GOLGA2: variants seen among roughly 807,000 people sequenced by gnomAD.
The protein encoded by GOLGA2 is golgin subfamily A member 2.
A neutral mutation model predicts 148.8 loss-of-function variants in GOLGA2; 49 were observed. The observed-to-expected ratio is 0.33, with a 90% CI of 0.26 to 0.42. The LOEUF (loss-of-function observed/expected upper bound fraction) is 0.42, where lower values mean the gene tolerates loss of function less well. Ranked by LOEUF, GOLGA2 falls within the 10% of genes least tolerant of loss-of-function variation. The pLI, the probability that GOLGA2 is intolerant of heterozygous loss-of-function variation, is 1.00. For synonymous variants in GOLGA2, 501 were observed against 511.8 expected, an observed-to-expected ratio of 0.98 and a Z score of 0.28; for missense variants, 1,178 against 1,304.6, an observed-to-expected ratio of 0.90 and a Z score of 1.49.
intron 2 of GOLGA2, 34 bp downstream of exon 2, chr9:128,273,816 C>T (rs758170789): frequency 6.2e-7 from 1 of 1,611,070 alleles, no homozygotes; most frequent in Admixed American, 1.7e-5. Flanking sequence ...CCTTGGGCCC[C>T]CTGTCCCCAG....
At chr9:128,275,643 T>C in intron 1 of GOLGA2, 1 of 667,196 alleles carries the variant, frequency 1.5e-6, no homozygotes, top group Non-Finnish European at 2.4e-6. Context: ...GGGCAGGAGG[T>C]GAGGGCCGAG....
At position 128,259,310 on chromosome 9, in the gene GOLGA2, C is replaced by T. The variant is rs758803761; in HGVS notation, c.1954G>A (p.Ala652Thr). ...TTCTCAGAGGTCAGCTGCTGATAGG[C>T]GGCCACATACTGCTGCAGGTGTCCC... is the stretch of plus-strand genomic sequence containing the variant. Reference protein sequence around the residue: ...YLGHLQQYVAAYQQLTSEKEV... With the variant: ...YLGHLQQYVATYQQLTSEKEV... Residue 652 changes from alanine (A) to threonine (T), a missense_variant, in exon 20 of 27, where the codon GCC becomes ACC. Ala to Thr is a moderately conservative substitution (Grantham distance 58, BLOSUM62 0). Around this residue, in one of 5 missense-constraint regions of GOLGA2, gnomAD observed 529 missense variants for 521.8 expected, o/e 1.01. Transcript: ENST00000611957. The T allele has an allele frequency of 1.2e-5, 19 of 1,610,786 alleles. No individual in the cohort carries two copies. Among genetic ancestry groups the T allele is most frequent in the African/African-American group, 8.0e-5 (6 of 74,850 alleles).
chr9:128,261,595 G>T lies in GOLGA2; in HGVS notation c.1225-34C>A. The T allele has an allele frequency of 6.6e-7, 1 of 1,506,836 alleles. No homozygotes were observed. 93.3% of individuals were successfully genotyped at this position (1,506,836 alleles called of 1,614,324 possible). A position where few individuals can be genotyped will look rare whatever the true frequency, so the allele number is the denominator to read the frequency against. On this transcript the variant is annotated intron_variant, in intron 15 of 26. Transcript: ENST00000611957. This position sits in a 1 kb window ranked among gnomAD's most constrained non-coding sequence, Gnocchi z 5.7. ...ATGGCCACAGAAATGAGGAAGGACTGTCACTGGTTGTCACCTACTCCTGGC... is the reference window on the plus strand; with the variant it reads ...ATGGCCACAGAAATGAGGAAGGACTTTCACTGGTTGTCACCTACTCCTGGC...
At chr9:128,270,898 A>G (rs1830902461) in intron 3 of GOLGA2, among the ~76,000 whole-genome samples, 3 of 152,048 alleles carry the variant, frequency 2.0e-5, no homozygotes, top group East Asian at 3.9e-4. Flanking sequence ...ATACAAAAAA[A>G]ATGGCCGGGC....
At chr9:128,264,573 C>T (rs1237417010) in intron 12 of GOLGA2, among the ~76,000 whole-genome samples, 1 of 152,030 alleles carries the variant, frequency 6.6e-6, no homozygotes, top group Non-Finnish European at 1.5e-5. Context: ...ATTACAGGGG[C>T]ACGCCACCAC....
Position 128,257,492 on chromosome 9 carries a change from G to T in GOLGA2, c.2752C>A (p.Arg918=), listed in dbSNP as rs147923606. The T allele has an allele frequency of 3.7e-5, 59 of 1,613,738 alleles. No individual in the cohort carries two copies. In the African/African-American group the frequency reaches 7.6e-4, roughly 21 times the overall value. ...KLLELQELVL[R]LVGDRNEWHG... is the part of the protein sequence containing the mutation. ...CACTCGTTGCGGTCGCCCACAAGCC[G>T]TAAGACCAGCTCCTGCAGCTCCAGC... The change falls in exon 26 of 27, where the codon CGG becomes AGG. Residue 918 remains arginine, a synonymous_variant. Coordinates refer to ENST00000611957, the MANE Select transcript of GOLGA2 (RefSeq NM_001366244.2). This position sits in a 1 kb window ranked among gnomAD's most constrained non-coding sequence, Gnocchi z 8.0.
chr9:128,257,783 C>T lies in GOLGA2; in HGVS notation c.2611+7G>A. 6.2e-7 allele frequency: 1 copy of T among 1,613,076 alleles called. No homozygotes were observed. Among genetic ancestry groups the T allele is most frequent in the Non-Finnish European group, 8.5e-7 (1 of 1,178,996 alleles). On this transcript the variant is annotated splice_region_variant and intron_variant, in intron 24 of 26. Transcript: ENST00000611957. The surrounding 1 kb of genome is among the most constrained non-coding windows in gnomAD (Gnocchi z 8.0). ...CTCCTCCTGCCGTGCCCTGGCCTCC[C>T]ACTCACCAATGGTGTCTGTCTCTCC...
At position 128,258,495 on chromosome 9, in the gene GOLGA2, A is replaced by T. The variant is rs1331226254; in HGVS notation, c.2249T>A (p.Met750Lys). Reference protein sequence around the residue: ...EEEAVAVPQPMPSIPEDLESR... With the variant: ...EEEAVAVPQPKPSIPEDLESR... ...CTCCAGGTCCTCCGGGATGCTTGGC[A>T]TGGGCTGAGGTACTGCCACCGCCTC... is the stretch of plus-strand genomic sequence containing the variant. The change falls in exon 22 of 27, where the codon ATG becomes AAG. Residue 750 changes from methionine (M) to lysine (K), a missense_variant. This residue lies in a region of GOLGA2 where 529 missense variants were observed against 521.8 expected (regional missense o/e 1.01). Transcript: ENST00000611957. This position sits in a 1 kb window ranked among gnomAD's most constrained non-coding sequence, Gnocchi z 6.6. 6.2e-7 allele frequency: 1 copy of T among 1,610,926 alleles called. No individual in the cohort carries two copies. The highest frequency in any genetic ancestry group is 8.5e-7 in the Non-Finnish European group (1 of 1,179,166).
At chr9:128,274,260 C>A (rs904956112) in intron 1 of GOLGA2, among the ~76,000 whole-genome samples, 1 of 152,200 alleles carries the variant, frequency 6.6e-6, no homozygotes, top group Non-Finnish European at 1.5e-5. Flanking sequence ...TTTTCCACCT[C>A]TCATCCCAGA....
chr9:128,260,426 C>G lies in GOLGA2; in HGVS notation c.1758+39G>C. ...GGTGGGAAAACAAAGGTCTGGAGGG[C>G]TAGGGAGGAGGGCGGGCTCTCCAGG... is the stretch of plus-strand genomic sequence containing the variant. On this transcript the variant is annotated intron_variant, in intron 18 of 26. Transcript: ENST00000611957. This position sits in a 1 kb window ranked among gnomAD's most constrained non-coding sequence, Gnocchi z 4.8. The G allele has an allele frequency of 6.5e-7, 1 of 1,526,838 alleles. No homozygotes were observed. The highest frequency in any genetic ancestry group is 9.0e-7 in the Non-Finnish European group (1 of 1,109,762). 94.6% of individuals were successfully genotyped at this position (1,526,838 alleles called of 1,614,324 possible). A position where few individuals can be genotyped will look rare whatever the true frequency, so the allele number is the denominator to read the frequency against.
rs1010198163 is a variant in GOLGA2, at chr9:128,275,534, AC to A, written c.84+358del. On this transcript the variant is annotated intron_variant, in intron 1 of 26. Transcript: ENST00000611957. ...TCTGGAGCGGGGGGCCCCGGGAGTCACGGGCCCAAAGTCACTGGCGAGGGCA... is the reference window on the plus strand; with the variant it reads ...TCTGGAGCGGGGGGCCCCGGGAGTCAGGGCCCAAAGTCACTGGCGAGGGCA... 16 of 1,270,174 alleles carry A rather than the reference AC, an allele frequency of 1.3e-5. No homozygotes were observed. The African/African-American group carries it at 2.4e-4, about 19-fold the overall frequency. 78.7% of individuals were successfully genotyped at this position (1,270,174 alleles called of 1,614,324 possible). A position where few individuals can be genotyped will look rare whatever the true frequency, so the allele number is the denominator to read the frequency against.
intron 12 of GOLGA2, among the ~76,000 whole-genome samples, chr9:128,264,229 A>G (rs561119448): frequency 5.6e-4 from 84 of 150,074 alleles, no homozygotes; most frequent in African/African-American, 2.0e-3. Flanking sequence ...GTATGTACGT[A>G]TGTATGTATA....
rs1282980649 is a variant in GOLGA2, at chr9:128,256,412, G to A, written c.*655C>T. 1 of 152,358 alleles carries A rather than the reference G, an allele frequency of 6.6e-6. No individual in the cohort carries two copies. The highest frequency in any genetic ancestry group is 2.4e-5 in the African/African-American group (1 of 41,340). 9.4% of individuals were successfully genotyped at this position (152,358 alleles called of 1,614,324 possible). A position where few individuals can be genotyped will look rare whatever the true frequency, so the allele number is the denominator to read the frequency against. ...TGGGAAGGGGTGGCAGGCACATGAT[G>A]GGGGCGGAGCCTCCGGCCCCACTTC... On this transcript the variant is annotated 3_prime_UTR_variant, in exon 27 of 27. Transcript: ENST00000611957.
rs1355620097 is a variant in GOLGA2, at chr9:128,271,503, C to T, written c.288+1282G>A. Among the ~76,000 whole-genome samples the T allele has an allele frequency of 1.3e-5, 2 of 152,172 alleles. No homozygotes were observed. On this transcript the variant is annotated intron_variant, in intron 3 of 26. Coordinates refer to ENST00000611957, the MANE Select transcript of GOLGA2 (RefSeq NM_001366244.2). This position sits in a 1 kb window ranked among gnomAD's most constrained non-coding sequence, Gnocchi z 4.4. ...ATCACAGCCAGAGGAGGTTGTCTCC[C>T]AGCCCTGTGTACCTCCATGCCCTGC...
At position 128,266,458 on chromosome 9, in the gene GOLGA2, T is replaced by G. The variant is rs772929178; in HGVS notation, c.643-133A>C. On this transcript the variant is annotated intron_variant, in intron 8 of 26. Transcript: ENST00000611957. The surrounding 1 kb of genome is among the most constrained non-coding windows in gnomAD (Gnocchi z 4.2). ...TCTCAGACCCAATGGGAACACGAAC[T>G]GGTAAACTCTCCTCAGGCTCTCAAG... 8.2e-6 allele frequency: 6 copies of G among 728,956 alleles called. No individual in the cohort carries two copies. Among genetic ancestry groups the G allele is most frequent in the Non-Finnish European group, 1.4e-5 (6 of 419,780 alleles). 45.2% of individuals were successfully genotyped at this position (728,956 alleles called of 1,614,324 possible). A position where few individuals can be genotyped will look rare whatever the true frequency, so the allele number is the denominator to read the frequency against.
In GOLGA2 at chr9:128,260,069, G is replaced by A; in HGVS notation, c.1872+7C>T. 1 of 1,592,656 alleles carries A rather than the reference G, an allele frequency of 6.3e-7. No homozygotes were observed. The highest frequency in any genetic ancestry group is 1.3e-5 in the African/African-American group (1 of 74,736). ...CTCCCAGCCCTTCTTGGATGGGGCG[G>A]GGTTACCGTTTCCTTCAGCTCGCTC... On this transcript the variant is annotated splice_region_variant and intron_variant, in intron 19 of 26. Coordinates refer to ENST00000611957, the MANE Select transcript of GOLGA2 (RefSeq NM_001366244.2). The surrounding 1 kb of genome is among the most constrained non-coding windows in gnomAD (Gnocchi z 4.8).
chr9:128,258,314 A>G lies in GOLGA2; in HGVS notation c.2290-116T>C. 8.9e-7 allele frequency: 1 copy of G among 1,128,258 alleles called. No homozygotes were observed. The highest frequency in any genetic ancestry group is 2.0e-5 in the Admixed American group (1 of 50,228). 69.9% of individuals were successfully genotyped at this position (1,128,258 alleles called of 1,614,324 possible). A position where few individuals can be genotyped will look rare whatever the true frequency, so the allele number is the denominator to read the frequency against. On this transcript the variant is annotated intron_variant, in intron 22 of 26. Transcript: ENST00000611957. The surrounding 1 kb of genome is among the most constrained non-coding windows in gnomAD (Gnocchi z 6.6). ...AGGGTGCACTTGTTGGTCCCAAGTG[A>G]AATGGTGTCTCACCACTGGCTCCCA...
intron 13 of GOLGA2, 66 bp downstream of exon 13, chr9:128,262,968 C>G (rs1417456123): frequency 9.2e-7 from 1 of 1,089,390 alleles, no homozygotes; most frequent in Non-Finnish European, 1.4e-6. Flanking sequence ...CTGTACCCCC[C>G]ACCTCCCAGC....
Position 128,261,261 on chromosome 9 carries a change from T to G in GOLGA2, c.1333-2A>C. On this transcript the variant is annotated splice_acceptor_variant, in intron 16 of 26. Coordinates refer to ENST00000611957, the MANE Select transcript of GOLGA2 (RefSeq NM_001366244.2). LOFTEE classifies it high-confidence loss of function. This position sits in a 1 kb window ranked among gnomAD's most constrained non-coding sequence, Gnocchi z 5.7. ...CTTCTCCTCTCTCAATGTGTGCACC[T>G]GCCCAAAGCACAGCAAGAAAGGGCC... 2 of 1,610,216 alleles carry G rather than the reference T, an allele frequency of 1.2e-6. No homozygotes were observed. Among genetic ancestry groups the G allele is most frequent in the Non-Finnish European group, 8.5e-7 (1 of 1,176,492 alleles).
Sources: allele counts gnomAD v4.1 joint callset (sites outside exome capture counted in the v4.1 genomes callset), GRCh38; gene constraint gnomAD v4.1.1; regional missense constraint gnomAD v4.1.1; non-coding constraint Gnocchi (gnomAD v3.1); transcripts MANE v1.5; gene names NCBI Gene and HGNC (gene_info 2026-07-23, HGNC 2026-07-21).